DDX4: variants seen among roughly 807,000 people sequenced by gnomAD.
DDX4 encodes the protein probable ATP-dependent RNA helicase DDX4.
DDX4 carries 25 observed loss-of-function variants against 100.0 expected under a neutral mutation model. That is an observed-to-expected ratio of 0.25 (90% CI 0.18 to 0.35). DDX4 has a LOEUF of 0.35. DDX4 is among the 10% of genes least tolerant of loss of function. The probability of loss-of-function intolerance (pLI) is 1.00; values close to 1 mark genes in which losing one functional copy is unlikely to be tolerated. For synonymous variants in DDX4, 259 were observed against 275.7 expected (o/e 0.94, Z 0.60); for missense variants, 635 against 882.4 (o/e 0.72, Z 3.55).
Position 55,757,806 on chromosome 5 carries a change from G to T in DDX4, c.128-2394G>T, listed in dbSNP as rs146705812. 4.7e-4 allele frequency among the ~76,000 whole-genome samples: 72 copies of T among 152,296 alleles called. No individual in the cohort carries two copies. The East Asian group carries it at 0.013, about 27-fold the overall frequency. On this transcript the variant is annotated intron_variant, in intron 3 of 21. Coordinates refer to ENST00000505374, the MANE Select transcript of DDX4 (RefSeq NM_024415.3). ...CGCCTGTAGTCCCAGCACTATGGGA[G>T]GCTGAGGTGGGTGGATTACTTAAGG...
chr5:55,778,886 T>G (rs1267346378), intron 7 of DDX4, among the ~76,000 whole-genome samples: 1 of 33,614 alleles, frequency 3.0e-5, no homozygotes, highest in Non-Finnish European at 5.9e-5. Flanking sequence ...AGAGTGAGAC[T>G]TCGCCTCAAA....
Position 55,816,475 on chromosome 5 carries a change from T to C in DDX4, c.2110T>C (p.Leu704=), listed in dbSNP as rs1292457195. The C allele has an allele frequency of 1.9e-6, 3 of 1,611,054 alleles. No homozygotes were observed. Among genetic ancestry groups the C allele is most frequent in the Non-Finnish European group, 1.7e-6 (2 of 1,178,404 alleles). ...AAATAATTACCAGGGCAAGAGCACT[T>C]TGAACACAGCTGGGTTTTCTTCTTC... ...SVDTRKGKST[L]NTAGFSSSQA... Residue 704 remains leucine, a synonymous_variant, in exon 22 of 22, where the codon TTG becomes CTG. Transcript: ENST00000505374.
At chr5:55,756,219 C>G (rs1222166337) in intron 3 of DDX4, among the ~76,000 whole-genome samples, 1 of 152,098 alleles carries the variant, frequency 6.6e-6, no homozygotes, top group African/African-American at 2.4e-5. Context: ...ATGTGATTGG[C>G]AGAACAGTAG....
intron 2 of DDX4, among the ~76,000 whole-genome samples, chr5:55,742,540 C>T (rs568760096): frequency 6.6e-6 from 1 of 152,102 alleles, no homozygotes; most frequent in Non-Finnish European, 1.5e-5. Flanking sequence ...AGTAAGAATA[C>T]AGGTGAAAAA....
chr5:55,780,145 G>A, intron 8 of DDX4, 80 bp downstream of exon 8: 1 of 1,548,538 alleles, frequency 6.5e-7, no homozygotes, highest in South Asian at 1.2e-5. Context: ...ATCAAAGAAG[G>A]TTGTTATGAG....
intron 3 of DDX4, among the ~76,000 whole-genome samples, chr5:55,756,972 A>G (rs1490029529): frequency 6.6e-6 from 1 of 152,192 alleles, no homozygotes; most frequent in Non-Finnish European, 1.5e-5. Context: ...TCACATTTAC[A>G]TGTGAAAGTA....
At chr5:55,767,591 A>AT (rs1291022869) in intron 6 of DDX4, among the ~76,000 whole-genome samples, 1 of 152,136 alleles carries the variant, frequency 6.6e-6, no homozygotes, top group African/African-American at 2.4e-5. Context: ...TGAAATTCTT[A>AT]TTTTTTGTTT....
chr5:55,754,158 CT>C (rs1759768253), intron 3 of DDX4, among the ~76,000 whole-genome samples: 1 of 148,928 alleles, frequency 6.7e-6, no homozygotes, highest in Non-Finnish European at 1.5e-5. Flanking sequence ...ATTGAATACC[CT>C]TTATTTCCTT....
intron 18 of DDX4, among the ~76,000 whole-genome samples, chr5:55,805,924 G>A (rs1474216469): frequency 6.6e-6 from 1 of 152,170 alleles, no homozygotes; most frequent in African/African-American, 2.4e-5. Flanking sequence ...TGTACCTCTG[G>A]TAGAATTCAG....
chr5:55,808,543 C>T (rs994256273), intron 18 of DDX4, among the ~76,000 whole-genome samples: 2 of 152,248 alleles, frequency 1.3e-5, no homozygotes, highest in Non-Finnish European at 2.9e-5. Flanking sequence ...ACAGTCAGCA[C>T]CCTCAGCTGC....
At chr5:55,790,533 T>G (rs1466341498) in intron 15 of DDX4, 43 bp from the exon 16 acceptor site, 1 of 1,369,762 alleles carries the variant, frequency 7.3e-7, no homozygotes, top group Admixed American at 2.0e-5. Flanking sequence ...GATGCCTAAT[T>G]TTTAAGTAAC....
chr5:55,790,696 C>T lies in DDX4; in HGVS notation c.1293C>T (p.Gly431=), dbSNP rs558999756. The part of the protein sequence containing the change: ...ATPGRLMDII[G]KEKIGLKQIK... ...CTGGAAGACTGATGGATATCATAGGCAAAGAAAAGGTACGCCTTATAGGAA... is the reference window on the plus strand; with the variant it reads ...CTGGAAGACTGATGGATATCATAGGTAAAGAAAAGGTACGCCTTATAGGAA... The change falls in exon 16 of 22, where the codon GGC becomes GGT. Residue 431 remains glycine (G), a synonymous_variant. Coordinates refer to ENST00000505374, the MANE Select transcript of DDX4 (RefSeq NM_024415.3). 1.2e-5 allele frequency: 20 copies of T among 1,611,514 alleles called. No homozygotes were observed. The South Asian group carries it at 2.2e-4, about 18-fold the overall frequency.
At chr5:55,792,598 C>T (rs368814716) in intron 16 of DDX4, 43 bp from the exon 17 acceptor site, 213 of 981,966 alleles carry the variant, frequency 2.2e-4, no homozygotes, top group Non-Finnish European at 2.9e-4. Context: ...TTAATATAAA[C>T]TAATATGCAT....
At chr5:55,767,304 G>A (rs529169869) in intron 6 of DDX4, among the ~76,000 whole-genome samples, 2 of 152,274 alleles carry the variant, frequency 1.3e-5, no homozygotes, top group Admixed American at 6.5e-5. Flanking sequence ...AGCCAGGCAT[G>A]GTGGCGCATG....
At chr5:55,772,891 T>C (rs1234840820) in intron 7 of DDX4, among the ~76,000 whole-genome samples, 1 of 152,176 alleles carries the variant, frequency 6.6e-6, no homozygotes, top group African/African-American at 2.4e-5. Flanking sequence ...TCTCAGGTAT[T>C]CCTTTATAAC....
intron 16 of DDX4, 109 bp from the exon 17 acceptor site, chr5:55,792,532 T>C: frequency 1.7e-6 from 1 of 583,310 alleles, no homozygotes; most frequent in Non-Finnish European, 2.5e-6. Flanking sequence ...GCTAATTTTT[T>C]GTATTTTTTT....
chr5:55,792,841 A>G (rs143816807), intron 17 of DDX4, 34 bp downstream of exon 17: 9 of 1,154,306 alleles, frequency 7.8e-6, no homozygotes, highest in Middle Eastern at 2.7e-4. Context: ...ATTTAATTAT[A>G]TATATATACA....
At chr5:55,755,466 A>G (rs903566823) in intron 3 of DDX4, among the ~76,000 whole-genome samples, 8 of 152,060 alleles carry the variant, frequency 5.3e-5, no homozygotes, top group East Asian at 3.8e-4. Context: ...TTTTAAATGA[A>G]CTTTGTGTTC....
At chr5:55,807,798 G>A (rs1160644442) in intron 18 of DDX4, among the ~76,000 whole-genome samples, 1 of 152,128 alleles carries the variant, frequency 6.6e-6, no homozygotes, top group East Asian at 1.9e-4. Context: ...ACAATTATGT[G>A]TCTTGGAGTT....
Sources: allele counts gnomAD v4.1 joint callset (sites outside exome capture counted in the v4.1 genomes callset), GRCh38; gene constraint gnomAD v4.1.1; transcripts MANE v1.5; gene names NCBI Gene and HGNC (gene_info 2026-07-23, HGNC 2026-07-21).